CSMD3: variants seen among roughly 807,000 people sequenced by gnomAD.
CSMD3 encodes CUB and sushi domain-containing protein 3.
A neutral mutation model predicts 435.2 loss-of-function variants in CSMD3; 177 were observed. The observed-to-expected ratio is 0.41, with a 90% CI of 0.36 to 0.46. The LOEUF (loss-of-function observed/expected upper bound fraction) is 0.46, where lower values mean the gene tolerates loss of function less well. Ranked by LOEUF, CSMD3 falls within the 20% of genes least tolerant of loss-of-function variation. The pLI is 0.34. For synonymous variants in CSMD3, 1,656 were observed against 1,520.5 expected, an observed-to-expected ratio of 1.09 and a Z score of -2.07; for missense variants, 4,265 against 4,504.6, an observed-to-expected ratio of 0.95 and a Z score of 1.52.
At chr8:113,173,662 C>T in intron 4 of CSMD3, 60 bp downstream of exon 4, 1 of 1,343,186 alleles carries the variant, frequency 7.4e-7, no homozygotes, top group Non-Finnish European at 1.1e-6. Context: ...AGGCACCAAA[C>T]ACATTTTTCA....
chr8:112,997,222 G>T (rs2131049234), intron 6 of CSMD3, among the ~76,000 whole-genome samples: 1 of 151,712 alleles, frequency 6.6e-6, no homozygotes, highest in South Asian at 2.1e-4. Flanking sequence ...GGAAAATAAT[G>T]AAATTATTTT....
intron 6 of CSMD3, among the ~76,000 whole-genome samples, chr8:113,014,994 A>G (rs1421365387): frequency 6.6e-6 from 1 of 152,164 alleles, no homozygotes; most frequent in African/African-American, 2.4e-5. Flanking sequence ...TTATGATTCA[A>G]TTCTAACCTT....
chr8:113,308,257 T>C (rs1181486432), intron 2 of CSMD3, among the ~76,000 whole-genome samples: 1 of 114,286 alleles, frequency 8.7e-6, no homozygotes, highest in Admixed American at 1.0e-4. Context: ...ATCATTTAAG[T>C]CTTTTTTTTT....
chr8:112,612,555 A>C (rs1833339276), intron 22 of CSMD3, among the ~76,000 whole-genome samples: 1 of 152,096 alleles, frequency 6.6e-6, no homozygotes, highest in Non-Finnish European at 1.5e-5. Context: ...TCATAGCAAC[A>C]CTAATAGTTC....
intron 1 of CSMD3, among the ~76,000 whole-genome samples, chr8:113,405,859 A>G (rs2094530415): frequency 6.6e-6 from 1 of 151,860 alleles, no homozygotes. Flanking sequence ...ATTTTTTATT[A>G]GAAACATTGT....
intron 27 of CSMD3, among the ~76,000 whole-genome samples, chr8:112,525,023 G>C (rs1220764439): frequency 6.6e-6 from 1 of 151,462 alleles, no homozygotes; most frequent in Non-Finnish European, 1.5e-5. Flanking sequence ...TCGGTAGCTC[G>C]ACTGATATCA....
chr8:112,678,884 G>A (rs1472659612), intron 16 of CSMD3, among the ~76,000 whole-genome samples: 4 of 151,986 alleles, frequency 2.6e-5, no homozygotes, highest in South Asian at 2.1e-4. Context: ...GGATGTTAAC[G>A]TTTGTTAACA....
intron 61 of CSMD3, among the ~76,000 whole-genome samples, chr8:112,258,806 A>G (rs555659561): frequency 6.6e-6 from 1 of 152,120 alleles, no homozygotes; most frequent in Non-Finnish European, 1.5e-5. Context: ...TTGGGAGGCC[A>G]AGGCGGGCGG....
At position 112,682,398 on chromosome 8, in the gene CSMD3, A is replaced by G. The variant is rs766518172; in HGVS notation, c.2677+44T>C. 4.3e-6 allele frequency: 6 copies of G among 1,402,766 alleles called. No individual in the cohort carries two copies. In the Admixed American group the frequency reaches 6.7e-5, roughly 16 times the overall value. The allele number at this position is 1,402,766 out of a possible 1,614,324, so 86.9% of individuals were successfully genotyped here. ...TGTTTCTTGTTGTGGTTTCTTGTAC[A>G]TAATGATGATGAGGTTCTATTTCTC... On this transcript the variant is annotated intron_variant, in intron 16 of 70. Transcript: ENST00000297405.
chr8:113,007,491 A>T (rs1023013031), intron 6 of CSMD3, among the ~76,000 whole-genome samples: 5 of 151,954 alleles, frequency 3.3e-5, no homozygotes, highest in Non-Finnish European at 5.9e-5. Flanking sequence ...CAGCAATAAG[A>T]CAGCCATCTT....
intron 3 of CSMD3, among the ~76,000 whole-genome samples, chr8:113,276,970 T>C (rs1021769336): frequency 6.6e-6 from 1 of 151,998 alleles, no homozygotes; most frequent in Non-Finnish European, 1.5e-5. Context: ...AAAATATTTT[T>C]TAGTATGAGT....
At chr8:113,147,422 T>C (rs936316797) in intron 4 of CSMD3, among the ~76,000 whole-genome samples, 6 of 151,716 alleles carry the variant, frequency 4.0e-5, no homozygotes, top group African/African-American at 1.4e-4. Context: ...CTCTTCTTAC[T>C]TTCAGGATAT....
At chr8:113,285,229 T>TGGGGAGCC (rs2093637495) in intron 2 of CSMD3, among the ~76,000 whole-genome samples, 1 of 150,902 alleles carries the variant, frequency 6.6e-6, no homozygotes, top group Non-Finnish European at 1.5e-5. Context: ...AGTAAGGCAA[T>TGGGGAGCC]GGGGAGCCAT....
chr8:112,832,426 G>T (rs1427454572), intron 11 of CSMD3, among the ~76,000 whole-genome samples: 1 of 152,134 alleles, frequency 6.6e-6, no homozygotes, highest in Non-Finnish European at 1.5e-5. Flanking sequence ...AGATTATCCT[G>T]AGTGGCCCTG....
intron 8 of CSMD3, among the ~76,000 whole-genome samples, chr8:112,953,106 G>A (rs183931548): frequency 2.7e-4 from 41 of 151,488 alleles, no homozygotes; most frequent in African/African-American, 8.9e-4. Context: ...AATAACATAC[G>A]TGTAGACAAA....
intron 8 of CSMD3, among the ~76,000 whole-genome samples, chr8:112,952,441 A>C (rs1407576498): frequency 2.6e-5 from 4 of 151,588 alleles, no homozygotes; most frequent in African/African-American, 9.7e-5. Flanking sequence ...CTTTCTTTTT[A>C]ATTATTTTGT....
chr8:112,261,176 C>A (rs1248153653), intron 61 of CSMD3, among the ~76,000 whole-genome samples: 2 of 152,042 alleles, frequency 1.3e-5, no homozygotes, highest in African/African-American at 2.4e-5. Context: ...TAATAGGAAG[C>A]TTCTCAAGTA....
chr8:112,584,023 C>T (rs549808132), intron 23 of CSMD3, among the ~76,000 whole-genome samples: 350 of 151,284 alleles, frequency 2.3e-3, no homozygotes, highest in African/African-American at 8.1e-3. Flanking sequence ...ACAAATGACA[C>T]AAATGAACAA....
chr8:112,491,170 G>A (rs371980797), intron 31 of CSMD3, among the ~76,000 whole-genome samples: 2 of 152,006 alleles, frequency 1.3e-5, no homozygotes, highest in East Asian at 3.9e-4. Context: ...TCTACAACTA[G>A]GAAAAATTAC....
Sources: gnomAD v4.1 joint callset for allele counts (sites outside exome capture counted in the v4.1 genomes callset) on GRCh38, gnomAD v4.1.1 for gene constraint, MANE v1.5 for transcripts, NCBI Gene and HGNC (gene_info 2026-07-23, HGNC 2026-07-21) for gene names.